The following PDE4B variants were observed in gnomAD, a reference collection of about 807,000 sequenced individuals.
The protein encoded by PDE4B is 3',5'-cyclic-AMP phosphodiesterase 4B.
PDE4B carries 20 observed loss-of-function variants against 82.2 expected under a neutral mutation model. The observed-to-expected ratio is 0.24, with a 90% confidence interval of 0.17 to 0.35. The LOEUF (loss-of-function observed/expected upper bound fraction) is 0.35, where lower values mean the gene tolerates loss of function less well. PDE4B is among the 10% of genes least tolerant of loss of function. The pLI, the probability that PDE4B is intolerant of heterozygous loss-of-function variation, is 1.00. For synonymous variants in PDE4B, 320 were observed against 318.9 expected, an observed-to-expected ratio of 1.00 and a Z score of -0.04; for missense variants, 655 against 907.2, an observed-to-expected ratio of 0.72 and a Z score of 3.57.
Position 66,332,632 on chromosome 1 carries a change from T to C in PDE4B, c.747+12T>C, listed in dbSNP as rs890022172. 4.7e-5 allele frequency: 76 copies of C among 1,611,478 alleles called. No homozygotes were observed. Among genetic ancestry groups the C allele is most frequent in the Non-Finnish European group, 6.4e-5 (75 of 1,178,362 alleles). On this transcript the variant is annotated intron_variant, in intron 8 of 16. Coordinates refer to ENST00000341517, the MANE Select transcript of PDE4B (RefSeq NM_002600.4). ...TGGCTTCTAACAAGGTAAGAGATGA[T>C]CTTTTTATTCATTAAAGTGTGATCA...
chr1:66,003,066 T>G (rs1954618), intron 3 of PDE4B, among the ~76,000 whole-genome samples: 6,131 of 152,242 alleles, frequency 0.04, 487 homozygotes, highest in East Asian at 0.37. Context: ...GGAACTAGTT[T>G]TTTTTTATTT....
intron 3 of PDE4B, among the ~76,000 whole-genome samples, chr1:65,929,146 C>G (rs1006240536): frequency 5.3e-5 from 8 of 152,124 alleles, no homozygotes; most frequent in Admixed American, 1.3e-4. Flanking sequence ...AGCAAACAGG[C>G]AGGTTGGGGG....
At chr1:66,203,601 T>C (rs1330258111) in intron 3 of PDE4B, among the ~76,000 whole-genome samples, 2 of 152,232 alleles carry the variant, frequency 1.3e-5, no homozygotes, top group Non-Finnish European at 1.5e-5. Context: ...ATTCATTTCA[T>C]CTTCCATCAC....
intron 8 of PDE4B, among the ~76,000 whole-genome samples, chr1:66,341,675 CTTTCTA>C (rs1458384207): frequency 6.6e-6 from 1 of 152,178 alleles, no homozygotes; most frequent in Non-Finnish European, 1.5e-5. Flanking sequence ...CCCTTAACTT[CTTTCTA>C]TTTCTTTCTT....
chr1:66,097,435 T>G (rs1306383883), intron 3 of PDE4B, among the ~76,000 whole-genome samples: 1 of 152,114 alleles, frequency 6.6e-6, no homozygotes, highest in Non-Finnish European at 1.5e-5. Flanking sequence ...TCAAATCTGT[T>G]GCCCATTTTT....
chr1:66,347,319 A>C (rs940364866), intron 8 of PDE4B, among the ~76,000 whole-genome samples: 4 of 152,226 alleles, frequency 2.6e-5, no homozygotes, highest in African/African-American at 7.2e-5. Context: ...ATAAAATTGC[A>C]TAAGAAATAG....
chr1:66,247,354 T>C (rs1160213396), intron 3 of PDE4B, 106 bp from the exon 4 acceptor site: 4 of 611,716 alleles, frequency 6.5e-6, no homozygotes, highest in Non-Finnish European at 1.1e-5. Context: ...CAGTTTTATG[T>C]AAAATGCTTA....
chr1:65,844,099 A>G (rs1311501771), intron 1 of PDE4B, among the ~76,000 whole-genome samples: 1 of 152,208 alleles, frequency 6.6e-6, no homozygotes, highest in East Asian at 1.9e-4. Context: ...ACATGTCTTC[A>G]ATATATAATC....
intron 1 of PDE4B, among the ~76,000 whole-genome samples, chr1:65,865,080 C>G (rs1646496235): frequency 6.6e-6 from 1 of 152,164 alleles, no homozygotes; most frequent in Admixed American, 6.5e-5. Context: ...ATGCACTGCC[C>G]AGTGAGGAGG....
At chr1:66,044,679 T>A (rs1654590826) in intron 3 of PDE4B, among the ~76,000 whole-genome samples, 2 of 151,758 alleles carry the variant, frequency 1.3e-5, no homozygotes, top group Non-Finnish European at 3.0e-5. Flanking sequence ...CTTTTGTGCT[T>A]CATAAGATGT....
intron 1 of PDE4B, among the ~76,000 whole-genome samples, chr1:65,873,271 C>T (rs1439709066): frequency 2.0e-5 from 3 of 152,116 alleles, no homozygotes; most frequent in African/African-American, 7.2e-5. Flanking sequence ...TTGGGACTGG[C>T]TCAAGCACAA....
At chr1:66,121,455 T>C (rs1645708216) in intron 3 of PDE4B, among the ~76,000 whole-genome samples, 1 of 152,174 alleles carries the variant, frequency 6.6e-6, no homozygotes, top group Non-Finnish European at 1.5e-5. Flanking sequence ...TATCTAACCA[T>C]GGCATCAACA....
chr1:65,877,353 C>T lies in PDE4B; in HGVS notation c.-70-35892C>T, dbSNP rs190145373. 3.0e-3 allele frequency among the ~76,000 whole-genome samples: 464 copies of T among 152,228 alleles called. 3 individuals are homozygous for T. The highest frequency in any genetic ancestry group is 0.011 in the African/African-American group (439 of 41,554). ...GCTGGGGGCCGGGTGCAGTGGCTCACGCCTGTAATCCCAGCACTTTGGGAG... is the reference window on the plus strand; with the variant it reads ...GCTGGGGGCCGGGTGCAGTGGCTCATGCCTGTAATCCCAGCACTTTGGGAG... On this transcript the variant is annotated intron_variant, in intron 1 of 16. Transcript: ENST00000341517.
intron 3 of PDE4B, among the ~76,000 whole-genome samples, chr1:66,171,676 A>G (rs548367536): frequency 1.3e-5 from 2 of 152,316 alleles, no homozygotes; most frequent in South Asian, 2.1e-4. Context: ...TTTACCAGCT[A>G]TATAACCTCA....
intron 1 of PDE4B, among the ~76,000 whole-genome samples, chr1:65,815,481 A>G (rs1645872055): frequency 6.6e-6 from 1 of 152,090 alleles, no homozygotes; most frequent in Non-Finnish European, 1.5e-5. Context: ...TAAATGCAAC[A>G]TGGTATCCTG....
chr1:66,071,790 C>T (rs1163102644), intron 3 of PDE4B, among the ~76,000 whole-genome samples: 1 of 151,770 alleles, frequency 6.6e-6, no homozygotes, highest in Non-Finnish European at 1.5e-5. Flanking sequence ...TTATCGATAA[C>T]CTTTGCAAAA....
chr1:66,257,825 C>G lies in PDE4B; in HGVS notation c.546C>G (p.Asn182Lys), dbSNP rs369969167. Reference protein sequence around the residue: ...VLASLRSVRNNFTILTNLHGT... With the variant: ...VLASLRSVRNKFTILTNLHGT... ...CCAGCTTGCGAAGTGTGAGAAACAA[C>G]TTCACTATACTGACAAACCTTCATG... is the stretch of plus-strand genomic sequence containing the variant. Residue 182 changes from asparagine (N) to lysine (K), a missense_variant, in exon 6 of 17, where the codon AAC becomes AAG. Around this residue, in one of 3 missense-constraint regions of PDE4B, gnomAD observed 253 missense variants for 275.6 expected, o/e 0.92. Transcript: ENST00000341517. 4 of 1,613,226 alleles carry G rather than the reference C, an allele frequency of 2.5e-6. No homozygotes were observed. Among genetic ancestry groups the G allele is most frequent in the Non-Finnish European group, 2.5e-6 (3 of 1,179,430 alleles).
intron 1 of PDE4B, among the ~76,000 whole-genome samples, chr1:65,883,705 T>C (rs1164889039): frequency 2.6e-5 from 4 of 151,896 alleles, no homozygotes. Flanking sequence ...TGAATAGGAG[T>C]GGTGAGAGAG....
At chr1:66,252,306 A>C (rs771798125) in intron 4 of PDE4B, among the ~76,000 whole-genome samples, 2 of 152,224 alleles carry the variant, frequency 1.3e-5, no homozygotes, top group Non-Finnish European at 2.9e-5. Flanking sequence ...GACATGAATT[A>C]AGATTAAAGA....
Sources: gnomAD v4.1 joint callset for allele counts (sites outside exome capture counted in the v4.1 genomes callset) on GRCh38, gnomAD v4.1.1 for gene constraint, gnomAD v4.1.1 regional missense constraint, MANE v1.5 for transcripts, NCBI Gene and HGNC (gene_info 2026-07-23, HGNC 2026-07-21) for gene names.